Variants in IGF2BP1 observed in about 807,000 individuals in gnomAD.
IGF2BP1 encodes the protein insulin-like growth factor 2 mRNA-binding protein 1.
A neutral mutation model predicts 74.9 loss-of-function variants in IGF2BP1; 11 were observed. The observed-to-expected ratio is 0.15, with a 90% CI of 0.09 to 0.24. IGF2BP1 has a LOEUF of 0.24. Ranked by LOEUF, IGF2BP1 falls within the 10% of genes least tolerant of loss-of-function variation. The pLI is 1.00. For synonymous variants in IGF2BP1, 287 were observed against 281.8 expected (o/e 1.02, Z -0.18); for missense variants, 440 against 757.4 (o/e 0.58, Z 4.92).
intron 2 of IGF2BP1, among the ~76,000 whole-genome samples, chr17:49,011,343 G>C (rs961276658): frequency 1.3e-5 from 2 of 152,044 alleles, no homozygotes; most frequent in African/African-American, 4.8e-5. Flanking sequence ...TCTGAGCACT[G>C]TGAGGTGATA....
chr17:49,006,416 A>C (rs1325840210), intron 2 of IGF2BP1, among the ~76,000 whole-genome samples: 1 of 152,218 alleles, frequency 6.6e-6, no homozygotes, highest in African/African-American at 2.4e-5. Flanking sequence ...TTCAGTGTTT[A>C]AAAGCTTGAG....
At chr17:49,005,200 T>C (rs952566113) in intron 2 of IGF2BP1, among the ~76,000 whole-genome samples, 4 of 152,230 alleles carry the variant, frequency 2.6e-5, no homozygotes, top group African/African-American at 7.2e-5. Context: ...TGACAAAATA[T>C]ATGTTGATTA....
At chr17:49,025,775 A>G (rs2041845184) in intron 3 of IGF2BP1, 109 bp downstream of exon 3, 7 of 876,200 alleles carry the variant, frequency 8.0e-6, no homozygotes, top group South Asian at 3.1e-5. Flanking sequence ...GGGCCAGGCT[A>G]GGGAGGCCTG....
At chr17:49,034,096 A>C (rs2041954447) in intron 5 of IGF2BP1, among the ~76,000 whole-genome samples, 1 of 142,076 alleles carries the variant, frequency 7.0e-6, no homozygotes, top group Non-Finnish European at 1.5e-5. Flanking sequence ...AAGTGTTAGA[A>C]TTATATCATG....
In IGF2BP1 at chr17:49,027,769, G is replaced by A. The variant is rs576376966; in HGVS notation, c.337+1252G>A. On this transcript the variant is annotated intron_variant, in intron 4 of 14. Transcript: ENST00000290341. ...TGGGAGGCTGAGGCAGGAGAATGGC[G>A]TGAACCCGGGAGGCGGAGCTTGCAG... is the stretch of plus-strand genomic sequence containing the variant. Among the ~76,000 whole-genome samples the A allele has an allele frequency of 1.3e-4, 20 of 149,382 alleles. No individual in the cohort carries two copies. In the East Asian group the frequency reaches 3.9e-3, roughly 29 times the overall value.
chr17:49,012,501 C>T (rs1207854063), intron 2 of IGF2BP1: 4 of 152,120 alleles, frequency 2.6e-5, no homozygotes, highest in Non-Finnish European at 5.9e-5. Flanking sequence ...GTTTTGAATT[C>T]TAGGAGTCTC....
chr17:49,032,116 C>G, intron 5 of IGF2BP1, 143 bp downstream of exon 5: 1 of 656,608 alleles, frequency 1.5e-6, no homozygotes, highest in Admixed American at 2.8e-5. Context: ...CAAGCCAAAC[C>G]TAGAATCTTC....
At chr17:49,005,398 A>T (rs1015588012) in intron 2 of IGF2BP1, among the ~76,000 whole-genome samples, 1 of 152,192 alleles carries the variant, frequency 6.6e-6, no homozygotes, top group Admixed American at 6.5e-5. Context: ...TTTTGACTGA[A>T]ATAGAGAGCA....
rs900306103 is a variant in IGF2BP1 at position 49,054,271 on chromosome 17, A to C, written c.*4827A>C. 8 of 152,612 alleles carry C rather than the reference A, an allele frequency of 5.2e-5. No individual in the cohort carries two copies. The highest frequency in any genetic ancestry group is 1.9e-4 in the African/African-American group (8 of 41,464). 9.5% of individuals were successfully genotyped at this position (152,612 alleles called of 1,614,324 possible). A position where few individuals can be genotyped will look rare whatever the true frequency, so the allele number is the denominator to read the frequency against. On this transcript the variant is annotated 3_prime_UTR_variant, in exon 15 of 15. Coordinates refer to ENST00000290341, the MANE Select transcript of IGF2BP1 (RefSeq NM_006546.4). ...TGACTCCGGATGGACAAAAGAAAAA[A>C]AATTTTTTTTCTTGAATGAAATAGC...
intron 2 of IGF2BP1, among the ~76,000 whole-genome samples, chr17:49,005,544 T>C (rs936375508): frequency 6.6e-6 from 1 of 152,140 alleles, no homozygotes; most frequent in Admixed American, 6.5e-5. Context: ...TGATATGGGA[T>C]GGCTGGAAAT....
Position 49,049,563 on chromosome 17 carries a change from CA to C in IGF2BP1, c.*120del. 1 of 760,686 alleles carries C rather than the reference CA, an allele frequency of 1.3e-6. No individual in the cohort carries two copies. Among genetic ancestry groups the C allele is most frequent in the Non-Finnish European group, 2.2e-6 (1 of 461,942 alleles). 47.1% of individuals were successfully genotyped at this position (760,686 alleles called of 1,614,324 possible). A position where few individuals can be genotyped will look rare whatever the true frequency, so the allele number is the denominator to read the frequency against. On this transcript the variant is annotated 3_prime_UTR_variant, in exon 15 of 15. Coordinates refer to ENST00000290341, the MANE Select transcript of IGF2BP1 (RefSeq NM_006546.4). ...GGGACACCTGGGCCGGGCTGTAGAT[CA>C]GGTTTGCCCACTTGATTGAGAAAGA...
chr17:49,034,435 A>G (rs2041961310), intron 5 of IGF2BP1, among the ~76,000 whole-genome samples: 1 of 149,818 alleles, frequency 6.7e-6, no homozygotes, highest in Non-Finnish European at 1.5e-5. Flanking sequence ...TTTTTTTTAA[A>G]CCTCAAAATC....
At chr17:49,039,660 C>G (rs1382600360) in intron 6 of IGF2BP1, among the ~76,000 whole-genome samples, 2 of 152,024 alleles carry the variant, frequency 1.3e-5, no homozygotes, top group African/African-American at 2.4e-5. Context: ...CTCCTGGCCT[C>G]AAGTAACCCA....
intron 2 of IGF2BP1, 91 bp from the exon 3 acceptor site, chr17:49,025,527 T>C: frequency 1.8e-6 from 2 of 1,102,930 alleles, no homozygotes; most frequent in Middle Eastern, 4.4e-4. Flanking sequence ...GGTGGGGAAA[T>C]AGAAACTGGG....
chr17:49,049,210 C>T, intron 14 of IGF2BP1, 142 bp from the exon 15 acceptor site: 1 of 653,540 alleles, frequency 1.5e-6, no homozygotes. Context: ...CCCCAACCCT[C>T]ATTCTTCCTC....
intron 6 of IGF2BP1, 68 bp from the exon 7 acceptor site, chr17:49,039,889 G>C (rs773121487): frequency 3.8e-5 from 59 of 1,558,348 alleles, no homozygotes; most frequent in Non-Finnish European, 5.1e-5. Flanking sequence ...GAGGGGTAGT[G>C]GGGTGGGGAG....
At chr17:49,016,418 CGTGTGT>C (rs59845226) in intron 2 of IGF2BP1, among the ~76,000 whole-genome samples, 4 of 150,952 alleles carry the variant, frequency 2.6e-5, no homozygotes, top group African/African-American at 4.9e-5. Flanking sequence ...TGCGTGCGCA[CGTGTGT>C]GTGTGTGTGT....
intron 5 of IGF2BP1, among the ~76,000 whole-genome samples, chr17:49,035,795 G>T (rs1185841199): frequency 6.6e-6 from 1 of 152,246 alleles, no homozygotes. Flanking sequence ...CCACCACTTT[G>T]CTGGAGGGGT....
intron 4 of IGF2BP1, among the ~76,000 whole-genome samples, chr17:49,028,605 G>T (rs970918509): frequency 3.5e-4 from 53 of 152,118 alleles, no homozygotes; most frequent in African/African-American, 1.3e-3. Flanking sequence ...GGTGTGTAAG[G>T]AATCAACACT....
Sources: gnomAD v4.1 joint callset for allele counts (sites outside exome capture counted in the v4.1 genomes callset) on GRCh38, gnomAD v4.1.1 for gene constraint, MANE v1.5 for transcripts, NCBI Gene and HGNC (gene_info 2026-07-23, HGNC 2026-07-21) for gene names.